Variants in OTUD7A observed in about 807,000 individuals in gnomAD.
The protein encoded by OTUD7A is OTU deubiquitinase 7A, also known as OTU domain-containing protein 7A.
In OTUD7A, 12 loss-of-function variants were observed where a neutral mutation model predicts 65.7. The observed-to-expected ratio is 0.18, with a 90% confidence interval of 0.12 to 0.30. The LOEUF is 0.30. Among genes scored for constraint, OTUD7A ranks in the 10% least tolerant of loss-of-function variants. The probability of loss-of-function intolerance (pLI) is 1.00; values close to 1 mark genes in which losing one functional copy is unlikely to be tolerated. For missense variants in OTUD7A, 1,148 were observed against 1,304.8 expected, an observed-to-expected ratio of 0.88 and a Z score of 1.85; for synonymous variants, 641 against 586.3, an observed-to-expected ratio of 1.09 and a Z score of -1.35.
At chr15:31,552,146 T>C (rs1028485272) in intron 5 of OTUD7A, among the ~76,000 whole-genome samples, 5 of 152,202 alleles carry the variant, frequency 3.3e-5, no homozygotes, top group Non-Finnish European at 7.3e-5. Context: ...TCACATCATA[T>C]GATACATCTG....
At chr15:31,734,203 T>TTG in intron 1 of OTUD7A, among the ~76,000 whole-genome samples, 1 of 151,430 alleles carries the variant, frequency 6.6e-6, no homozygotes, top group Non-Finnish European at 1.5e-5. Flanking sequence ...ACCAGGGAGG[T>TTG]TAAAAATCTC....
chr15:31,707,930 AT>A (rs1379105886), intron 1 of OTUD7A, among the ~76,000 whole-genome samples: 3 of 152,162 alleles, frequency 2.0e-5, no homozygotes, highest in South Asian at 4.1e-4. Context: ...ATGGTAAAAC[AT>A]AAATATAATA....
chr15:31,664,556 A>G (rs1344645740), intron 1 of OTUD7A, among the ~76,000 whole-genome samples: 1 of 151,872 alleles, frequency 6.6e-6, no homozygotes, highest in East Asian at 1.9e-4. Flanking sequence ...TCTGGATATT[A>G]GTCCTTTGTC....
At chr15:31,793,044 G>A (rs1567025492) in intron 1 of OTUD7A, among the ~76,000 whole-genome samples, 2 of 152,270 alleles carry the variant, frequency 1.3e-5, no homozygotes, top group East Asian at 3.9e-4. Flanking sequence ...CACAGGAAAT[G>A]AGCCCCAAAC....
intron 1 of OTUD7A, among the ~76,000 whole-genome samples, chr15:31,732,464 G>T (rs1023472400): frequency 6.6e-6 from 1 of 152,218 alleles, no homozygotes; most frequent in Non-Finnish European, 1.5e-5. Flanking sequence ...GATATTTGTA[G>T]TTGCATGACT....
intron 1 of OTUD7A, chr15:31,767,120 T>A: frequency 1.1e-5 from 17 of 1,549,098 alleles, no homozygotes; most frequent in Non-Finnish European, 1.5e-5. Flanking sequence ...TCTTCTTTAT[T>A]TTTTTTTCTC....
chr15:31,601,594 GA>G (rs1170962006), intron 3 of OTUD7A, among the ~76,000 whole-genome samples: 1 of 151,794 alleles, frequency 6.6e-6, no homozygotes, highest in Non-Finnish European at 1.5e-5. Context: ...CAGAAGACAA[GA>G]AAAAACTAAG....
At chr15:31,769,401 G>A (rs567198606) in intron 1 of OTUD7A, among the ~76,000 whole-genome samples, 3 of 152,270 alleles carry the variant, frequency 2.0e-5, no homozygotes, top group African/African-American at 7.2e-5. Context: ...AATACAGTTG[G>A]GCAGTTTTTA....
intron 1 of OTUD7A, among the ~76,000 whole-genome samples, chr15:31,748,806 C>T (rs1364605806): frequency 6.6e-6 from 1 of 152,112 alleles, no homozygotes; most frequent in East Asian, 1.9e-4. Flanking sequence ...GCATAGCATT[C>T]CTTTGCGTCA....
chr15:31,860,728 C>T (rs1027913474), intron 1 of OTUD7A, among the ~76,000 whole-genome samples: 5 of 73,078 alleles, frequency 6.8e-5, no homozygotes, highest in Admixed American at 5.1e-4. Context: ...TTTTTTGGGA[C>T]GGAGTTTCGC....
At chr15:31,677,276 A>T (rs34087716) in intron 1 of OTUD7A, among the ~76,000 whole-genome samples, 247 of 152,082 alleles carry the variant, frequency 1.6e-3, no homozygotes, top group African/African-American at 5.6e-3. Context: ...GGTCTCTATC[A>T]GGCTGGCACA....
chr15:31,484,990 G>A lies in OTUD7A; in HGVS notation c.1372-266C>T, dbSNP rs1274602675. 6.6e-6 allele frequency among the ~76,000 whole-genome samples: 1 copy of A among 152,224 alleles called. No homozygotes were observed. Among genetic ancestry groups the A allele is most frequent in the African/African-American group, 2.4e-5 (1 of 41,456 alleles). ...GTCTTCTGGCCAGGGAAGCTGGGGT[G>A]TACTCATTCTTTCTCTCTGGGGGAC... On this transcript the variant is annotated intron_variant, in intron 12 of 12. Transcript: ENST00000307050. The surrounding 1 kb of genome is among the most constrained non-coding windows in gnomAD (Gnocchi z 4.5).
chr15:31,628,733 T>C lies in OTUD7A; in HGVS notation c.151+26363A>G, dbSNP rs1891044790. Among the ~76,000 whole-genome samples, 3 of 152,286 alleles carry C rather than the reference T, an allele frequency of 2.0e-5. No homozygotes were observed. In the South Asian group the frequency reaches 6.2e-4, roughly 32 times the overall value. On this transcript the variant is annotated intron_variant, in intron 3 of 12. Transcript: ENST00000307050. ...ATTCTTCCTACCCATGAGCATGGAA[T>C]GTTCTTCCATTTGTTTGTATCCTCT...
At chr15:31,755,079 G>A (rs1329473983) in intron 1 of OTUD7A, among the ~76,000 whole-genome samples, 3 of 151,212 alleles carry the variant, frequency 2.0e-5, no homozygotes, top group Non-Finnish European at 4.4e-5. Flanking sequence ...GTGTGTGTGT[G>A]TGAAAGAGAG....
At chr15:31,767,159 A>G in intron 1 of OTUD7A, 1 of 1,343,524 alleles carries the variant, frequency 7.4e-7, no homozygotes, top group African/African-American at 1.5e-5. Flanking sequence ...GGCGGCACTC[A>G]GTTGATTTGA....
At chr15:31,561,159 G>A (rs1257672900) in intron 4 of OTUD7A, among the ~76,000 whole-genome samples, 2 of 152,190 alleles carry the variant, frequency 1.3e-5, no homozygotes, top group African/African-American at 4.8e-5. Context: ...TTTGCAGAAA[G>A]GTAAAAAGAG....
intron 5 of OTUD7A, among the ~76,000 whole-genome samples, chr15:31,531,520 C>CAAAAAA (rs60332452): frequency 6.0e-4 from 48 of 79,928 alleles, no homozygotes; most frequent in East Asian, 4.4e-3. Context: ...GAGTAGGCCA[C>CAAAAAA]AAAAAAAAAA....
Position 31,526,039 on chromosome 15 carries a change from C to T in OTUD7A, c.893+310G>A, listed in dbSNP as rs573658628. On this transcript the variant is annotated intron_variant, in intron 8 of 12. Transcript: ENST00000307050. ...AGGCCTGCTGTGCCCTGAAGGCGCA[C>T]ACCCCAACTGTTGTGCACAATAAAG... Among the ~76,000 whole-genome samples the T allele has an allele frequency of 2.0e-5, 3 of 152,336 alleles. No homozygotes were observed. In the East Asian group the frequency reaches 5.8e-4, roughly 29 times the overall value.
At chr15:31,539,389 C>T (rs939574597) in intron 5 of OTUD7A, among the ~76,000 whole-genome samples, 17 of 152,160 alleles carry the variant, frequency 1.1e-4, no homozygotes, top group African/African-American at 3.6e-4. Flanking sequence ...CCGAGGTCTA[C>T]ACTTGGGAGA....
Sources: allele counts gnomAD v4.1 joint callset (sites outside exome capture counted in the v4.1 genomes callset), GRCh38; gene constraint gnomAD v4.1.1; non-coding constraint Gnocchi (gnomAD v3.1); transcripts MANE v1.5; gene names NCBI Gene and HGNC (gene_info 2026-07-23, HGNC 2026-07-21).